The following PCDH11Y variants were observed in gnomAD, a reference collection of about 807,000 sequenced individuals.
PCDH11Y encodes protocadherin-11 Y-linked.
For synonymous variants in PCDH11Y, 9 were observed against 83.6 expected, an observed-to-expected ratio of 0.11 and a Z score of 4.87; for missense variants, 12 against 224.8, an observed-to-expected ratio of 0.05 and a Z score of 6.05.
chrY:5,238,155 C>G (rs1602891163), intron 2 of PCDH11Y, among the ~76,000 whole-genome samples: 1 of 33,292 alleles, frequency 3.0e-5, no homozygotes, highest in Non-Finnish European at 7.4e-5. Context: ...AGGCATCACA[C>G]TACCTGACTT....
chrY:5,288,018 A>G, intron 2 of PCDH11Y, among the ~76,000 whole-genome samples: 1 of 32,726 alleles, frequency 3.1e-5, no homozygotes, highest in South Asian at 6.9e-4. Context: ...TCTTTCTTAA[A>G]ACAGACATTT....
intron 2 of PCDH11Y, among the ~76,000 whole-genome samples, chrY:5,340,766 C>T: frequency 2.4e-4 from 8 of 33,737 alleles, no homozygotes. Context: ...ATTCATAGAT[C>T]ATCTTGAAGG....
intron 2 of PCDH11Y, among the ~76,000 whole-genome samples, chrY:5,429,150 T>C: frequency 3.0e-5 from 1 of 33,693 alleles, no homozygotes; most frequent in Non-Finnish European, 7.4e-5. Context: ...CCATTTCATT[T>C]ATTTCCCTTT....
intron 2 of PCDH11Y, among the ~76,000 whole-genome samples, chrY:5,239,371 A>T: frequency 3.0e-5 from 1 of 33,016 alleles, no homozygotes; most frequent in Non-Finnish European, 7.4e-5. Context: ...TGGGAATTGA[A>T]CAATGAGAAC....
intron 2 of PCDH11Y, among the ~76,000 whole-genome samples, chrY:5,407,709 T>C (rs71201662): frequency 8.7e-4 from 27 of 30,999 alleles, no homozygotes; most frequent in East Asian, 3.5e-3. Context: ...GTCAGGAAAT[T>C]GAGACCATTC....
At position 5,280,029 on chromosome Y, in the gene PCDH11Y, T is replaced by C. The variant is rs1602898870; in HGVS notation, c.3129+179322T>C. 1.3e-3 allele frequency among the ~76,000 whole-genome samples: 19 copies of C among 15,080 alleles called. No homozygotes were observed. In the South Asian group the frequency reaches 0.041, roughly 33 times the overall value. 40.5% of individuals were successfully genotyped at this position (15,080 alleles called of 37,273 possible). A position where few individuals can be genotyped will look rare whatever the true frequency, so the allele number is the denominator to read the frequency against. ...GAGACTATGAATCTTCTTTTAAAGC[T>C]CATATATGCTACTTGAAATACTAGC... On this transcript the variant is annotated intron_variant, in intron 2 of 4. Transcript: ENST00000400457.
At chrY:5,598,739 C>A (rs2053469952) in intron 4 of PCDH11Y, among the ~76,000 whole-genome samples, 1 of 33,480 alleles carries the variant, frequency 3.0e-5, no homozygotes, top group Admixed American at 2.7e-4. Flanking sequence ...TAGAAAAGAA[C>A]ATCTTGTAGT....
chrY:5,413,329 T>G, intron 2 of PCDH11Y, among the ~76,000 whole-genome samples: 1 of 33,820 alleles, frequency 3.0e-5, no homozygotes, highest in Non-Finnish European at 7.3e-5. Flanking sequence ...CTGGGGTGAT[T>G]ACCCTTATCT....
intron 2 of PCDH11Y, among the ~76,000 whole-genome samples, chrY:5,294,713 A>G: frequency 3.0e-5 from 1 of 32,873 alleles, no homozygotes; most frequent in East Asian, 8.0e-4. Flanking sequence ...TCTTGCAAAA[A>G]TGTTGGAGTT....
At chrY:5,699,126 AC>A (rs2053575058) in intron 4 of PCDH11Y, among the ~76,000 whole-genome samples, 1 of 33,483 alleles carries the variant, frequency 3.0e-5, no homozygotes, top group Non-Finnish European at 7.4e-5. Context: ...ACACTCCCAC[AC>A]CTGGAGGTGT....
At chrY:5,521,634 T>C in intron 3 of PCDH11Y, among the ~76,000 whole-genome samples, 1 of 29,541 alleles carries the variant, frequency 3.4e-5, no homozygotes. Flanking sequence ...TTTATCATTA[T>C]TATTTGAAAT....
intron 4 of PCDH11Y, among the ~76,000 whole-genome samples, chrY:5,708,343 G>A: frequency 9.1e-5 from 3 of 32,824 alleles, no homozygotes; most frequent in Non-Finnish European, 2.2e-4. Context: ...ACAAAAAACC[G>A]GAATATTATA....
chrY:5,194,930 G>A, intron 2 of PCDH11Y, among the ~76,000 whole-genome samples: 1 of 33,174 alleles, frequency 3.0e-5, no homozygotes, highest in South Asian at 6.9e-4. Context: ...TTTTGACAGC[G>A]TGCTGATTGG....
downstream of PCDH11Y, among the ~76,000 whole-genome samples, chrY:5,103,901 A>G: frequency 3.0e-5 from 1 of 32,854 alleles, no homozygotes; most frequent in African/African-American, 1.2e-4. Flanking sequence ...TGTGAAGACT[A>G]TACATTTTAA....
At chrY:5,495,279 G>A in intron 2 of PCDH11Y, among the ~76,000 whole-genome samples, 1 of 32,806 alleles carries the variant, frequency 3.0e-5, no homozygotes, top group Non-Finnish European at 7.5e-5. Context: ...CTTCACATGG[G>A]ATGTGCATGC....
intron 2 of PCDH11Y, among the ~76,000 whole-genome samples, chrY:5,316,020 C>G (rs2053106649): frequency 6.0e-5 from 2 of 33,166 alleles, no homozygotes; most frequent in African/African-American, 2.4e-4. Context: ...GTCAAACTCT[C>G]TAAAATATTT....
chrY:5,143,762 T>G, intron 2 of PCDH11Y, among the ~76,000 whole-genome samples: 14 of 33,236 alleles, frequency 4.2e-4, no homozygotes, highest in Non-Finnish European at 9.0e-4. Context: ...ATAATGGGAA[T>G]GAGCCCTATA....
intron 4 of PCDH11Y, among the ~76,000 whole-genome samples, chrY:5,703,849 C>CT (rs200406587): frequency 0.086 from 1,923 of 22,378 alleles, no homozygotes; most frequent in South Asian, 0.18. Context: ...TCTTTTTTTC[C>CT]TTTTTTTTTT....
intron 1 of PCDH11Y, chrY:5,019,157 G>T: frequency 3.0e-5 from 1 of 33,487 alleles, no homozygotes; most frequent in East Asian, 8.1e-4. Flanking sequence ...TCTGTCCGAG[G>T]ACAATATATT....
Sources: allele counts gnomAD v4.1 joint callset (sites outside exome capture counted in the v4.1 genomes callset), GRCh38; gene constraint gnomAD v4.1.1; transcripts MANE v1.5; gene names NCBI Gene and HGNC (gene_info 2026-07-23, HGNC 2026-07-21).